The following CAMKK1 variants were observed in gnomAD, a reference collection of about 807,000 sequenced individuals.
CAMKK1 encodes the protein calcium/calmodulin dependent protein kinase kinase 1, also known as calcium/calmodulin-dependent protein kinase kinase 1.
CAMKK1 carries 20 observed loss-of-function variants against 63.5 expected under a neutral mutation model. That is an observed-to-expected ratio of 0.32 (90% CI 0.22 to 0.46). The LOEUF is 0.46. Ranked by LOEUF, CAMKK1 falls within the 20% of genes least tolerant of loss-of-function variation. The probability of loss-of-function intolerance (pLI) is 1.00; values close to 1 mark genes in which losing one functional copy is unlikely to be tolerated. For synonymous variants in CAMKK1, 253 were observed against 269.0 expected, an observed-to-expected ratio of 0.94 and a Z score of 0.58; for missense variants, 588 against 658.1, an observed-to-expected ratio of 0.89 and a Z score of 1.17.
rs2055693626 is a variant in CAMKK1 at position 3,887,272 on chromosome 17, AGGGTAAGGGTGAGG to A, written c.-43-1556_-43-1543del. On this transcript the variant is annotated intron_variant, in intron 1 of 15. Coordinates refer to ENST00000348335, the MANE Select transcript of CAMKK1 (RefSeq NM_032294.3). The surrounding 1 kb of genome is among the most constrained non-coding windows in gnomAD (Gnocchi z 6.1). The stretch of plus-strand genomic sequence containing the variant: ...CACAGCAGGGTTTGGAGGTAGACTG[AGGGTAAGGGTGAGG>A]TCCAGACCCCCTGTGCCCGGTACGC... Among the ~76,000 whole-genome samples the A allele has an allele frequency of 6.6e-6, 1 of 152,056 alleles. No individual in the cohort carries two copies. The highest frequency in any genetic ancestry group is 2.4e-5 in the African/African-American group (1 of 41,404).
At chr17:3,865,714 G>C (rs750407973) in intron 15 of CAMKK1, 194 bp downstream of exon 15, 48 of 1,422,574 alleles carry the variant, frequency 3.4e-5, no homozygotes, top group Non-Finnish European at 4.3e-5. Flanking sequence ...TGAAGCAAGA[G>C]CTGGGCCCAA....
In CAMKK1 at chr17:3,883,557, G is replaced by T; in HGVS notation, c.463-77C>A. On this transcript the variant is annotated intron_variant, in intron 4 of 15. Coordinates refer to ENST00000348335, the MANE Select transcript of CAMKK1 (RefSeq NM_032294.3). The surrounding 1 kb of genome is among the most constrained non-coding windows in gnomAD (Gnocchi z 4.7). ...AACAGGCTGGTACATGTGGACTGAG[G>T]TCCGGAGAGGCACACTGGACATCTG... 2 of 1,161,754 alleles carry T rather than the reference G, an allele frequency of 1.7e-6. No individual in the cohort carries two copies. The highest frequency in any genetic ancestry group is 2.6e-6 in the Non-Finnish European group (2 of 767,948). The allele number at this position is 1,161,754 out of a possible 1,614,324, so 72.0% of individuals were successfully genotyped here. A position where few individuals can be genotyped will look rare whatever the true frequency, so the allele number is the denominator to read the frequency against.
intron 14 of CAMKK1, among the ~76,000 whole-genome samples, chr17:3,867,991 C>T (rs550373323): frequency 0.074 from 8,637 of 117,068 alleles, 979 homozygotes; most frequent in Middle Eastern, 0.1. Context: ...ATGCAGGCAC[C>T]GTCTAACTGA....
intron 15 of CAMKK1, among the ~76,000 whole-genome samples, chr17:3,863,037 T>C (rs971724034): frequency 6.6e-6 from 1 of 152,264 alleles, no homozygotes; most frequent in African/African-American, 2.4e-5. Context: ...GCAGAGTCCA[T>C]CTATCAGTCT....
chr17:3,885,839 C>T (rs1009369599), intron 1 of CAMKK1, 109 bp from the exon 2 acceptor site: 81 of 1,133,152 alleles, frequency 7.1e-5, no homozygotes, highest in Non-Finnish European at 9.7e-5. Context: ...CCTGGCTGTT[C>T]CCTCTACCGG....
At chr17:3,888,680 C>A (rs560434715) in intron 1 of CAMKK1, among the ~76,000 whole-genome samples, 9 of 152,348 alleles carry the variant, frequency 5.9e-5, no homozygotes, top group African/African-American at 1.7e-4. Context: ...GATGGATGCG[C>A]GGGCGGGCGG....
Position 3,890,204 on chromosome 17 carries a change from C to A in CAMKK1, c.-44+2735G>T, listed in dbSNP as rs899691108. 1.3e-5 allele frequency among the ~76,000 whole-genome samples: 2 copies of A among 152,212 alleles called. No homozygotes were observed. The highest frequency in any genetic ancestry group is 6.5e-5 in the Admixed American group (1 of 15,286). On this transcript the variant is annotated intron_variant, in intron 1 of 15. Coordinates refer to ENST00000348335, the MANE Select transcript of CAMKK1 (RefSeq NM_032294.3). This position sits in a 1 kb window ranked among gnomAD's most constrained non-coding sequence, Gnocchi z 6.5. Reference sequence around the variant, plus strand: ...GGGTGCCCTCCGCAGCTCCCGCCCCCACCCGGGATGACTCAGTCCCCTTGA... The same window carrying A: ...GGGTGCCCTCCGCAGCTCCCGCCCCAACCCGGGATGACTCAGTCCCCTTGA...
At chr17:3,867,856 C>T (rs1377827697) in intron 14 of CAMKK1, among the ~76,000 whole-genome samples, 2 of 152,112 alleles carry the variant, frequency 1.3e-5, no homozygotes. Context: ...CCACGGGGGA[C>T]TATGTGAATC....
At chr17:3,876,947 A>G (rs1353088192) in intron 9 of CAMKK1, among the ~76,000 whole-genome samples, 1 of 151,836 alleles carries the variant, frequency 6.6e-6, no homozygotes, top group African/African-American at 2.4e-5. Flanking sequence ...TAGTAGAGAC[A>G]GGGTTTCGCC....
In CAMKK1 at chr17:3,872,715, G is replaced by C. The variant is rs1034286246; in HGVS notation, c.1051-88C>G. 3.6e-6 allele frequency: 4 copies of C among 1,108,360 alleles called. No homozygotes were observed. In the Admixed American group the frequency reaches 6.9e-5, roughly 19 times the overall value. The allele number at this position is 1,108,360 out of a possible 1,614,324, so 68.7% of individuals were successfully genotyped here. ...AACCCCCCTCCCTTGGTGGGGGCAG[G>C]GGTAGGGGGCAGGTCTGGGCTCCCA... On this transcript the variant is annotated intron_variant, in intron 11 of 15. Coordinates refer to ENST00000348335, the MANE Select transcript of CAMKK1 (RefSeq NM_032294.3).
At chr17:3,871,448 G>A (rs192489817) in intron 12 of CAMKK1, among the ~76,000 whole-genome samples, 12 of 142,382 alleles carry the variant, frequency 8.4e-5, no homozygotes, top group East Asian at 2.2e-4. Flanking sequence ...TCTGCCTCCC[G>A]GGTTCACGCC....
At chr17:3,880,832 T>C (rs995209374) in intron 8 of CAMKK1, among the ~76,000 whole-genome samples, 1 of 151,660 alleles carries the variant, frequency 6.6e-6, no homozygotes, top group Non-Finnish European at 1.5e-5. Context: ...ATATATTGCA[T>C]GTAGTAAAGA....
chr17:3,876,110 G>A, intron 10 of CAMKK1, 113 bp downstream of exon 10: 1 of 1,002,086 alleles, frequency 1.0e-6, no homozygotes, highest in Non-Finnish European at 1.4e-6. Flanking sequence ...AGGCAAATAT[G>A]TCACTCCCTA....
intron 15 of CAMKK1, among the ~76,000 whole-genome samples, chr17:3,864,744 G>C (rs2054451509): frequency 6.6e-6 from 1 of 152,140 alleles, no homozygotes; most frequent in South Asian, 2.1e-4. Flanking sequence ...CTGCAGTTGG[G>C]ACCTCCAGGC....
Position 3,884,851 on chromosome 17 carries a change from G to C in CAMKK1, c.361-424C>G, listed in dbSNP as rs1322480996. The stretch of plus-strand genomic sequence containing the variant: ...GAGAGCCTGGGTTCAGGCACAGAAA[G>C]CTCAGCCCCTGACATCTGTAGACTG... On this transcript the variant is annotated intron_variant, in intron 2 of 15. Coordinates refer to ENST00000348335, the MANE Select transcript of CAMKK1 (RefSeq NM_032294.3). The surrounding 1 kb of genome is among the most constrained non-coding windows in gnomAD (Gnocchi z 4.5). Among the ~76,000 whole-genome samples the C allele has an allele frequency of 6.6e-6, 1 of 152,200 alleles. No homozygotes were observed. The highest frequency in any genetic ancestry group is 1.5e-5 in the Non-Finnish European group (1 of 68,040).
At chr17:3,869,018 G>C (rs2054710519) in intron 14 of CAMKK1, among the ~76,000 whole-genome samples, 1 of 149,740 alleles carries the variant, frequency 6.7e-6, no homozygotes, top group Non-Finnish European at 1.5e-5. Context: ...GCCCAGGCTG[G>C]AGTGCAGTGG....
chr17:3,871,386 G>T (rs1440827338), intron 12 of CAMKK1, among the ~76,000 whole-genome samples: 3 of 113,156 alleles, frequency 2.7e-5, no homozygotes, highest in Non-Finnish European at 5.0e-5. Flanking sequence ...ACAGAGTCTC[G>T]CTCTGTCGCC....
At chr17:3,885,800 C>A in intron 1 of CAMKK1, 70 bp from the exon 2 acceptor site, 2 of 1,474,728 alleles carry the variant, frequency 1.4e-6, no homozygotes, top group Non-Finnish European at 1.8e-6. Context: ...GTAGCCACAG[C>A]GCTGTGGGTC....
chr17:3,886,141 A>C (rs894903677), intron 1 of CAMKK1, among the ~76,000 whole-genome samples: 3 of 152,106 alleles, frequency 2.0e-5, no homozygotes, highest in East Asian at 3.9e-4. Flanking sequence ...ACAGCAGAGC[A>C]CTCCGACACT....
Sources: gnomAD v4.1 joint callset for allele counts (sites outside exome capture counted in the v4.1 genomes callset) on GRCh38, gnomAD v4.1.1 for gene constraint, Gnocchi (gnomAD v3.1) non-coding constraint, MANE v1.5 for transcripts, NCBI Gene and HGNC (gene_info 2026-07-23, HGNC 2026-07-21) for gene names.